The following GLI3 variants were observed in gnomAD, a reference collection of about 807,000 sequenced individuals.
GLI3 encodes the protein transcription activator GLI3.
A neutral mutation model predicts 100.8 loss-of-function variants in GLI3; 20 were observed. The ratio of observed to expected loss-of-function variants is 0.20; its 90% CI spans 0.14 to 0.29. GLI3 has a LOEUF of 0.29. Ranked by LOEUF, GLI3 falls within the 10% of genes least tolerant of loss-of-function variation. GLI3 has a pLI of 1.00. For missense variants in GLI3, 2,040 were observed against 2,128.5 expected, an observed-to-expected ratio of 0.96 and a Z score of 0.82; for synonymous variants, 938 against 860.5, an observed-to-expected ratio of 1.09 and a Z score of -1.58.
intron 2 of GLI3, among the ~76,000 whole-genome samples, chr7:42,159,147 A>C (rs1251473686): frequency 2.6e-5 from 4 of 152,322 alleles, no homozygotes; most frequent in South Asian, 2.1e-4. Flanking sequence ...AACAAACAAA[A>C]AAAACACTGT....
At chr7:42,092,614 C>CAGCAGGCA (rs1228981928) in intron 3 of GLI3, among the ~76,000 whole-genome samples, 2 of 152,116 alleles carry the variant, frequency 1.3e-5, no homozygotes, top group Non-Finnish European at 2.9e-5. Context: ...ATCTGTCGCA[C>CAGCAGGCA]AGCAGGCAAG....
chr7:42,231,507 C>T (rs1788695378), intron 1 of GLI3, among the ~76,000 whole-genome samples: 1 of 152,206 alleles, frequency 6.6e-6, no homozygotes, highest in Non-Finnish European at 1.5e-5. Flanking sequence ...CACCAAACTA[C>T]ACACCCTCTC....
rs556450850 is a variant in GLI3 at position 42,024,860 on chromosome 7, G to T, written c.1356+404C>A. ...AAAAATGATATAGGAGCCATCAGTAGATCCGCCACAGCTCAGGCTTGGGTC... is the reference window on the plus strand; with the variant it reads ...AAAAATGATATAGGAGCCATCAGTATATCCGCCACAGCTCAGGCTTGGGTC... On this transcript the variant is annotated intron_variant, in intron 9 of 14. Transcript: ENST00000395925. Among the ~76,000 whole-genome samples the T allele has an allele frequency of 2.1e-3, 323 of 152,264 alleles. 2 individuals are homozygous for T. Among genetic ancestry groups the T allele is most frequent in the African/African-American group, 7.5e-3 (312 of 41,538 alleles).
chr7:42,057,252 A>G (rs1784482162), intron 4 of GLI3, among the ~76,000 whole-genome samples: 1 of 152,218 alleles, frequency 6.6e-6, no homozygotes, highest in Non-Finnish European at 1.5e-5. Context: ...CTCTCCATAA[A>G]CATCATTTAT....
Position 41,977,179 on chromosome 7 carries a change from A to G in GLI3, c.1812+379T>C, listed in dbSNP as rs539229539. Among the ~76,000 whole-genome samples the G allele has an allele frequency of 3.3e-5, 5 of 152,362 alleles. No homozygotes were observed. In the South Asian group the frequency reaches 1.0e-3, roughly 32 times the overall value. On this transcript the variant is annotated intron_variant, in intron 12 of 14. Coordinates refer to ENST00000395925, the MANE Select transcript of GLI3 (RefSeq NM_000168.6). ...GGAAGCTGTCAGCTGTCAACATGCTACTTCTTAATATATCCTTGGGGCTTA... is the reference window on the plus strand; with the variant it reads ...GGAAGCTGTCAGCTGTCAACATGCTGCTTCTTAATATATCCTTGGGGCTTA...
chr7:42,122,296 C>T (rs1339987105), intron 3 of GLI3, among the ~76,000 whole-genome samples: 1 of 150,154 alleles, frequency 6.7e-6, no homozygotes, highest in Non-Finnish European at 1.5e-5. Context: ...CCCTCACCTC[C>T]TAATCACATA....
chr7:42,230,503 T>C (rs1788677199), intron 1 of GLI3, among the ~76,000 whole-genome samples: 1 of 152,260 alleles, frequency 6.6e-6, no homozygotes, highest in African/African-American at 2.4e-5. Flanking sequence ...GAAATCCATA[T>C]ATTTAACTTC....
chr7:42,104,673 T>G (rs574208606), intron 3 of GLI3, among the ~76,000 whole-genome samples: 4 of 152,214 alleles, frequency 2.6e-5, no homozygotes, highest in Admixed American at 6.5e-5. Flanking sequence ...AGACTGAATA[T>G]ATTCTTCTAA....
chr7:42,255,514 T>C (rs7785486), intron 1 of GLI3, among the ~76,000 whole-genome samples: 2,948 of 152,324 alleles, frequency 0.019, 106 homozygotes, highest in African/African-American at 0.068. Context: ...GGATTGCTAA[T>C]ATGCTTTCTA....
chr7:42,079,108 A>G (rs1468362501), intron 3 of GLI3, among the ~76,000 whole-genome samples: 1 of 152,222 alleles, frequency 6.6e-6, no homozygotes, highest in Non-Finnish European at 1.5e-5. Flanking sequence ...AGTACTTAAT[A>G]TGAAAGGGTG....
chr7:41,981,915 C>T (rs1011341021), intron 10 of GLI3, among the ~76,000 whole-genome samples: 2 of 152,116 alleles, frequency 1.3e-5, no homozygotes, highest in Admixed American at 6.6e-5. Flanking sequence ...GCCACTGAGA[C>T]AATGTGTGGA....
chr7:42,042,261 G>C (rs1201993143), intron 6 of GLI3, among the ~76,000 whole-genome samples: 3 of 152,094 alleles, frequency 2.0e-5, no homozygotes, highest in African/African-American at 7.2e-5. Flanking sequence ...TGATCCGCCA[G>C]TCTCGGCCTC....
chr7:42,229,400 C>T (rs1788650731), intron 1 of GLI3, among the ~76,000 whole-genome samples: 2 of 152,184 alleles, frequency 1.3e-5, no homozygotes, highest in Admixed American at 1.3e-4. Flanking sequence ...ATTAACAGCA[C>T]CATGGCTCAG....
At chr7:42,017,639 T>C (rs1788805305) in intron 10 of GLI3, among the ~76,000 whole-genome samples, 1 of 152,220 alleles carries the variant, frequency 6.6e-6, no homozygotes, top group Non-Finnish European at 1.5e-5. Context: ...TTTGCTTTCT[T>C]TGACTGAAAC....
chr7:42,177,852 T>C (rs1787511560), intron 2 of GLI3, among the ~76,000 whole-genome samples: 1 of 152,184 alleles, frequency 6.6e-6, no homozygotes, highest in African/African-American at 2.4e-5. Context: ...CACATGCTGC[T>C]GGGATGTCTA....
chr7:42,248,351 G>A (rs779778215), intron 1 of GLI3, among the ~76,000 whole-genome samples: 3 of 152,072 alleles, frequency 2.0e-5, no homozygotes, highest in African/African-American at 7.2e-5. Flanking sequence ...TATGGCCACC[G>A]ATCTACCATA....
chr7:41,999,095 G>C (rs769870949), intron 10 of GLI3, among the ~76,000 whole-genome samples: 41 of 152,156 alleles, frequency 2.7e-4, no homozygotes, highest in African/African-American at 6.8e-4. Context: ...GTTGAAGAGA[G>C]GGTAGCATAT....
At chr7:42,244,744 G>T (rs1275889529) in intron 1 of GLI3, among the ~76,000 whole-genome samples, 2 of 151,934 alleles carry the variant, frequency 1.3e-5, no homozygotes, top group Non-Finnish European at 1.5e-5. Context: ...TGATTGGAAA[G>T]GTGCTGGGTA....
chr7:42,206,304 A>G (rs1788152093), intron 2 of GLI3, among the ~76,000 whole-genome samples: 1 of 151,454 alleles, frequency 6.6e-6, no homozygotes. Flanking sequence ...TAATAATAAT[A>G]ATAAATTCTA....
Sources: gnomAD v4.1 joint callset for allele counts (sites outside exome capture counted in the v4.1 genomes callset) on GRCh38, gnomAD v4.1.1 for gene constraint, MANE v1.5 for transcripts, NCBI Gene and HGNC (gene_info 2026-07-23, HGNC 2026-07-21) for gene names.